The following CSMD1 variants were observed in gnomAD, a reference collection of about 807,000 sequenced individuals.
CSMD1 encodes the protein CUB and sushi domain-containing protein 1.
A neutral mutation model predicts 417.5 loss-of-function variants in CSMD1; 213 were observed. That is an observed-to-expected ratio of 0.51 (90% confidence interval 0.46 to 0.57). The LOEUF (loss-of-function observed/expected upper bound fraction) is 0.57, where lower values mean the gene tolerates loss of function less well. Ranked by LOEUF, CSMD1 falls within the 20% of genes least tolerant of loss-of-function variation. The pLI, the probability that CSMD1 is intolerant of heterozygous loss-of-function variation, is 0.00. For synonymous variants in CSMD1, 2,862 were observed against 1,736.8 expected, an observed-to-expected ratio of 1.65 and a Z score of -16.11; for missense variants, 6,923 against 4,529.7, an observed-to-expected ratio of 1.53 and a Z score of -15.17.
At chr8:3,523,313 A>C (rs1542590) in intron 10 of CSMD1, among the ~76,000 whole-genome samples, 18,545 of 152,288 alleles carry the variant, frequency 0.12, 1,456 homozygotes, top group Admixed American at 0.23. Flanking sequence ...TTTTTGCTTT[A>C]CTAAATTATT....
chr8:3,798,030 CT>C (rs1394210885), intron 5 of CSMD1, among the ~76,000 whole-genome samples: 2 of 151,860 alleles, frequency 1.3e-5, no homozygotes, highest in African/African-American at 4.8e-5. Context: ...TTTTCAGGTG[CT>C]TTTTTGACCA....
At chr8:3,139,551 T>G (rs1005674186) in intron 41 of CSMD1, among the ~76,000 whole-genome samples, 1 of 152,202 alleles carries the variant, frequency 6.6e-6, no homozygotes, top group Non-Finnish European at 1.5e-5. Context: ...CCCATCATGT[T>G]AGACACCAGG....
At chr8:3,816,965 A>G (rs1801402448) in intron 5 of CSMD1, among the ~76,000 whole-genome samples, 1 of 152,208 alleles carries the variant, frequency 6.6e-6, no homozygotes, top group Non-Finnish European at 1.5e-5. Flanking sequence ...AGATAAACCA[A>G]CAAATAAATG....
intron 41 of CSMD1, among the ~76,000 whole-genome samples, chr8:3,120,155 G>T (rs1383392736): frequency 6.6e-6 from 1 of 152,102 alleles, no homozygotes; most frequent in Admixed American, 6.6e-5. Context: ...CAGGACCTGA[G>T]AAAAAGAGAG....
chr8:4,706,694 A>T (rs1029425632), intron 1 of CSMD1, among the ~76,000 whole-genome samples: 2 of 152,206 alleles, frequency 1.3e-5, no homozygotes, highest in Admixed American at 1.3e-4. Context: ...TAATAATGGC[A>T]TGAAAGTCCA....
At chr8:4,070,400 C>A (rs1284143492) in intron 3 of CSMD1, among the ~76,000 whole-genome samples, 1 of 152,138 alleles carries the variant, frequency 6.6e-6, no homozygotes, top group Non-Finnish European at 1.5e-5. Context: ...CTGTGTCGCC[C>A]AGGCTGGAGT....
intron 3 of CSMD1, among the ~76,000 whole-genome samples, chr8:4,164,312 C>G (rs761130204): frequency 3.3e-5 from 5 of 152,040 alleles, no homozygotes; most frequent in African/African-American, 9.7e-5. Flanking sequence ...TAGAATCCAT[C>G]TACATTTAAA....
At chr8:3,154,869 C>A (rs906389887) in intron 39 of CSMD1, among the ~76,000 whole-genome samples, 1 of 152,116 alleles carries the variant, frequency 6.6e-6, no homozygotes, top group Non-Finnish European at 1.5e-5. Context: ...AATATTATCT[C>A]TCTATGGACT....
rs1199455081 is a variant in CSMD1 at position 3,157,922 on chromosome 8, C to T, written c.5889G>A (p.Trp1963Ter). 1 of 1,554,858 alleles carries T rather than the reference C, an allele frequency of 6.4e-7. No individual in the cohort carries two copies. Among genetic ancestry groups the T allele is most frequent in the East Asian group, 2.4e-5 (1 of 41,098 alleles). ...ISCMPGTVRR[W>*]NYPSPLCIAT... ...CAATGCACAGGGGAGACGGATAGTT[C>T]CAACGGCGAACGGTCCCTGGCATAC... Residue 1963 changes from tryptophan to a stop codon, truncating the protein, a stop_gained, in exon 39 of 70, where the codon TGG becomes TGA. Coordinates refer to ENST00000635120, the MANE Select transcript of CSMD1 (RefSeq NM_033225.6). LOFTEE classifies it high-confidence loss of function.
Position 3,763,357 on chromosome 8 carries a change from C to G in CSMD1, c.819-9315G>C, listed in dbSNP as rs566527835. Among the ~76,000 whole-genome samples, 205 of 152,234 alleles carry G rather than the reference C, an allele frequency of 1.3e-3. 1 individual carries two copies. The highest frequency in any genetic ancestry group is 1.1e-3 in the Non-Finnish European group (78 of 68,024). Reference sequence around the variant, plus strand: ...GTGTTGGTGTCATGGGGGCAGAACCCTCATGAATGAATGGCTGGTGCCTTC... The same window carrying G: ...GTGTTGGTGTCATGGGGGCAGAACCGTCATGAATGAATGGCTGGTGCCTTC... On this transcript the variant is annotated intron_variant, in intron 5 of 69. Transcript: ENST00000635120.
At chr8:4,987,962 C>G in intron 1 of CSMD1, among the ~76,000 whole-genome samples, 1 of 152,190 alleles carries the variant, frequency 6.6e-6, no homozygotes, top group East Asian at 1.9e-4. Flanking sequence ...CTGTTGACTT[C>G]CTTGCTCCAC....
chr8:3,740,518 G>A (rs182413808), intron 6 of CSMD1, among the ~76,000 whole-genome samples: 2 of 152,204 alleles, frequency 1.3e-5, no homozygotes, highest in Non-Finnish European at 2.9e-5. Flanking sequence ...TTCACCGATG[G>A]ATGTGATATA....
At chr8:3,010,712 C>T (rs981557866) in intron 52 of CSMD1, among the ~76,000 whole-genome samples, 1 of 151,880 alleles carries the variant, frequency 6.6e-6, no homozygotes, top group Admixed American at 6.6e-5. Context: ...AGTAATGTGC[C>T]TATATTTCCC....
At chr8:3,559,566 G>T (rs892957774) in intron 10 of CSMD1, among the ~76,000 whole-genome samples, 1 of 152,098 alleles carries the variant, frequency 6.6e-6, no homozygotes, top group Non-Finnish European at 1.5e-5. Flanking sequence ...GGGTTTTTGT[G>T]TTTATAAACA....
At chr8:3,381,558 T>C (rs958816385) in intron 18 of CSMD1, among the ~76,000 whole-genome samples, 18 of 152,174 alleles carry the variant, frequency 1.2e-4, no homozygotes, top group African/African-American at 3.9e-4. Context: ...ATTTTTAATA[T>C]AGAACCCAAA....
At chr8:4,273,181 A>G (rs574222884) in intron 3 of CSMD1, among the ~76,000 whole-genome samples, 2 of 152,166 alleles carry the variant, frequency 1.3e-5, no homozygotes, top group Non-Finnish European at 2.9e-5. Flanking sequence ...GATTTGGATA[A>G]CTCATTTGTA....
chr8:4,794,469 C>G (rs558279147), intron 1 of CSMD1, among the ~76,000 whole-genome samples: 1 of 152,182 alleles, frequency 6.6e-6, no homozygotes, highest in East Asian at 1.9e-4. Context: ...CTCTTAAAAT[C>G]CAGTACAAAA....
At chr8:3,400,468 AG>A (rs1811969970) in intron 15 of CSMD1, among the ~76,000 whole-genome samples, 1 of 152,160 alleles carries the variant, frequency 6.6e-6, no homozygotes, top group Admixed American at 6.5e-5. Context: ...TTTTGATGCT[AG>A]AAAAAATGTG....
At chr8:3,255,819 T>G (rs111470345) in intron 26 of CSMD1, among the ~76,000 whole-genome samples, 5,980 of 152,222 alleles carry the variant, frequency 0.039, 151 homozygotes, top group South Asian at 0.063. Flanking sequence ...GCTTCCCGGG[T>G]GATGTGATGC....
Sources: allele counts gnomAD v4.1 joint callset (sites outside exome capture counted in the v4.1 genomes callset), GRCh38; gene constraint gnomAD v4.1.1; transcripts MANE v1.5; gene names NCBI Gene and HGNC (gene_info 2026-07-23, HGNC 2026-07-21).